Variants in SLC25A23 observed in about 807,000 individuals in gnomAD.
The protein encoded by SLC25A23 is solute carrier family 25 member 23.
Under a neutral mutation model 53.9 loss-of-function variants are expected in SLC25A23, and 32 were observed. The observed-to-expected ratio is 0.59, with a 90% CI of 0.45 to 0.80. The LOEUF (loss-of-function observed/expected upper bound fraction) is 0.80. Ranked by LOEUF, SLC25A23 falls within the 30% of genes least tolerant of loss-of-function variation. The probability of loss-of-function intolerance (pLI) is 0.00; values close to 1 mark genes in which losing one functional copy is unlikely to be tolerated. For synonymous variants in SLC25A23, 275 were observed against 264.5 expected (o/e 1.04, Z -0.38); for missense variants, 575 against 651.4 (o/e 0.88, Z 1.28).
At chr19:6,458,409 C>A in intron 1 of SLC25A23, 85 bp from the exon 2 acceptor site, 1 of 1,441,272 alleles carries the variant, frequency 6.9e-7, no homozygotes, top group Non-Finnish European at 9.3e-7. Context: ...GCCTTAGGAA[C>A]CCAGAGCCCC....
Position 6,452,419 on chromosome 19 carries a change from C to A in SLC25A23, c.964G>T (p.Ala322Ser), listed in dbSNP as rs374257352. 6.2e-7 allele frequency: 1 copy of A among 1,613,782 alleles called. No homozygotes were observed. Among genetic ancestry groups the A allele is most frequent in the African/African-American group, 1.3e-5 (1 of 74,898 alleles). The change falls in exon 8 of 10, where the codon GCC (alanine) becomes TCC (serine). Residue 322 changes from alanine to serine, a missense_variant. By Grantham distance (99) the Ala-to-Ser change is moderately conservative (BLOSUM62 1). Transcript: ENST00000301454. ...TGQYKGLLDC[A>S]RRILEREGPR... is the part of the protein sequence containing the mutation. The stretch of plus-strand genomic sequence containing the variant: ...CCCTCCCTCTCCAGGATACGCCTGG[C>A]GCAGTCCAGCAGCCCCTTATACTGG...
chr19:6,454,003 T>TG lies in SLC25A23; in HGVS notation c.880dup (p.Gln294ProfsTer23). ...CACCTCCATAGGGTAAATGATGGTT[T>TG]GGGCTGTGGCACCAGCCAGGGAGCC... On this transcript the variant is annotated frameshift_variant, in exon 7 of 10. Coordinates refer to ENST00000301454, the MANE Select transcript of SLC25A23 (RefSeq NM_024103.3). LOFTEE classifies it high-confidence loss of function. The surrounding 1 kb of genome is among the most constrained non-coding windows in gnomAD (Gnocchi z 4.3). 6.2e-7 allele frequency: 1 copy of TG among 1,613,244 alleles called. No individual in the cohort carries two copies. The highest frequency in any genetic ancestry group is 8.5e-7 in the Non-Finnish European group (1 of 1,179,896).
At position 6,455,554 on chromosome 19, in the gene SLC25A23, G is replaced by A. The variant is rs1026204846; in HGVS notation, c.484-837C>T. On this transcript the variant is annotated intron_variant, in intron 4 of 9. Transcript: ENST00000301454. Reference sequence around the variant, plus strand: ...TGGGAGTCTCTGGATCTCCAAAGAGGTTCTCACCAGATCCCACAGACGGAT... The same window carrying A: ...TGGGAGTCTCTGGATCTCCAAAGAGATTCTCACCAGATCCCACAGACGGAT... Among the ~76,000 whole-genome samples the A allele has an allele frequency of 7.9e-5, 12 of 152,118 alleles. No homozygotes were observed. In the East Asian group the frequency reaches 1.5e-3, roughly 20 times the overall value.
chr19:6,454,473 G>C lies in SLC25A23; in HGVS notation c.645C>G (p.Val215=), dbSNP rs1007416649. 10 of 1,613,894 alleles carry C rather than the reference G, an allele frequency of 6.2e-6. No homozygotes were observed. The African/African-American group carries it at 1.2e-4, about 19-fold the overall frequency. The part of the protein sequence containing the change: ...PLDRLKVFMQ[V]HASKTNRLNI... ...TCAGCCGGTTGGTCTTTGAGGCATG[G>C]ACCTGAATGGGGAGACAACAGCTTG... Residue 215 remains valine, a splice_region_variant and synonymous_variant, in exon 6 of 10, where the codon GTC becomes GTG. Coordinates refer to ENST00000301454, the MANE Select transcript of SLC25A23 (RefSeq NM_024103.3). The surrounding 1 kb of genome is among the most constrained non-coding windows in gnomAD (Gnocchi z 4.3).
At position 6,459,690 on chromosome 19, in the gene SLC25A23, T is replaced by G; in HGVS notation, c.-62A>C. 8.2e-7 allele frequency: 1 copy of G among 1,213,560 alleles called. No individual in the cohort carries two copies. Among genetic ancestry groups the G allele is most frequent in the East Asian group, 3.4e-5 (1 of 29,458 alleles). The allele number at this position is 1,213,560 out of a possible 1,614,324, so 75.2% of individuals were successfully genotyped here. A position where few individuals can be genotyped will look rare whatever the true frequency, so the allele number is the denominator to read the frequency against. On this transcript the variant is annotated 5_prime_UTR_variant, in exon 1 of 10. Transcript: ENST00000301454. The surrounding 1 kb of genome is among the most constrained non-coding windows in gnomAD (Gnocchi z 4.6). ...GCGGCCTCAGTGGGGGCTTCGCGGC[T>G]CCCCCTCCCCCCCCGGGACCCCGCA...
intron 8 of SLC25A23, among the ~76,000 whole-genome samples, chr19:6,451,800 TG>T (rs1257291843): frequency 2.0e-5 from 3 of 151,200 alleles, no homozygotes; most frequent in African/African-American, 7.3e-5. Flanking sequence ...TCGGGGAAGT[TG>T]GGTGTCTTTG....
At position 6,442,161 on chromosome 19, in the gene SLC25A23, T is replaced by TGGGTGGGGGGTTGGGGGGGG; in HGVS notation, c.1223-3_1223-2insCCCCCCCCAACCCCCCACCC. 1.3e-6 allele frequency: 1 copy of TGGGTGGGGGGTTGGGGGGGG among 747,930 alleles called. No homozygotes were observed. Among genetic ancestry groups the TGGGTGGGGGGTTGGGGGGGG allele is most frequent in the Non-Finnish European group, 2.0e-6 (1 of 504,234 alleles). The allele number at this position is 747,930 out of a possible 1,614,324, so 46.3% of individuals were successfully genotyped here. Reference sequence around the variant, plus strand: ...GCTGGGGGCCACCCTCGATGGAGGCTGGGAGGGGGCGGGGGGGGCACCAGG... The same window carrying TGGGTGGGGGGTTGGGGGGGG: ...GCTGGGGGCCACCCTCGATGGAGGCTGGGTGGGGGGTTGGGGGGGGGGGAGGGGGCGGGGGGGGCACCAGG... On this transcript the variant is annotated splice_region_variant and splice_polypyrimidine_tract_variant and intron_variant, in intron 9 of 9. Transcript: ENST00000301454.
rs1373032669 is a variant in SLC25A23 at position 6,442,240 on chromosome 19, G to A, written c.1223-81C>T. On this transcript the variant is annotated intron_variant, in intron 9 of 9. Transcript: ENST00000301454. ...CCTCCTACCCCCAGGGTTGGGCCAG[G>A]TGGTGTCATTGCAGCAGGAGGGAAG... 5 of 994,480 alleles carry A rather than the reference G, an allele frequency of 5.0e-6. No homozygotes were observed. The East Asian group carries it at 1.3e-4, about 26-fold the overall frequency. 61.6% of individuals were successfully genotyped at this position (994,480 alleles called of 1,614,324 possible). A position where few individuals can be genotyped will look rare whatever the true frequency, so the allele number is the denominator to read the frequency against.
rs1420133139 is a variant in SLC25A23 at position 6,459,406 on chromosome 19, T to C, written c.156+67A>G. The C allele has an allele frequency of 3.5e-6, 5 of 1,433,814 alleles. No individual in the cohort carries two copies. In the East Asian group the frequency reaches 1.1e-4, roughly 32 times the overall value. 88.8% of individuals were successfully genotyped at this position (1,433,814 alleles called of 1,614,324 possible). On this transcript the variant is annotated intron_variant, in intron 1 of 9. Coordinates refer to ENST00000301454, the MANE Select transcript of SLC25A23 (RefSeq NM_024103.3). The surrounding 1 kb of genome is among the most constrained non-coding windows in gnomAD (Gnocchi z 4.6). ...TCCCTGGTGGCTCCGGCCGCCCAGT[T>C]CAGGGGCTTGGGTAACCGGGAGCGG...
chr19:6,459,641 G>T lies in SLC25A23; in HGVS notation c.-13C>A, dbSNP rs762565109. 9.9e-6 allele frequency: 14 copies of T among 1,410,194 alleles called. No homozygotes were observed. Among genetic ancestry groups the T allele is most frequent in the South Asian group, 8.1e-5 (5 of 62,002 alleles). The allele number at this position is 1,410,194 out of a possible 1,614,324, so 87.4% of individuals were successfully genotyped here. Reference sequence around the variant, plus strand: ...GGCTCCCCCGCATGGCGCCCGCCCGGGGGGGAGGGGAGGCCCGGCAGCGGC... The same window carrying T: ...GGCTCCCCCGCATGGCGCCCGCCCGTGGGGGAGGGGAGGCCCGGCAGCGGC... On this transcript the variant is annotated 5_prime_UTR_variant, in exon 1 of 10. Coordinates refer to ENST00000301454, the MANE Select transcript of SLC25A23 (RefSeq NM_024103.3). This position sits in a 1 kb window ranked among gnomAD's most constrained non-coding sequence, Gnocchi z 4.6.
In SLC25A23 at chr19:6,442,006, A is replaced by C; in HGVS notation, c.1376T>G (p.Met459Arg). The change falls in exon 10 of 10, where the codon ATG becomes AGG. Residue 459 changes from methionine (M) to arginine (R), a missense_variant. By Grantham distance (91) the Met-to-Arg change is moderately conservative. Coordinates refer to ENST00000301454, the MANE Select transcript of SLC25A23 (RefSeq NM_024103.3). ...VSISYVVYEN[M>R]KQALGVTSR is the part of the protein sequence containing the mutation. ...GGACGTGACCCCCAAGGCCTGCTTC[A>C]TGTTCTCGTAGACCACATAGGAGAT... The C allele has an allele frequency of 6.2e-7, 1 of 1,613,886 alleles. No individual in the cohort carries two copies. Among genetic ancestry groups the C allele is most frequent in the Non-Finnish European group, 8.5e-7 (1 of 1,179,900 alleles).
chr19:6,459,177 T>G lies in SLC25A23; in HGVS notation c.156+296A>C, dbSNP rs536846387. On this transcript the variant is annotated intron_variant, in intron 1 of 9. Coordinates refer to ENST00000301454, the MANE Select transcript of SLC25A23 (RefSeq NM_024103.3). This position sits in a 1 kb window ranked among gnomAD's most constrained non-coding sequence, Gnocchi z 4.6. ...GGGCTGTGCAGTCTGGAGGAGGGTG[T>G]GTCCCGGGCAGTGGGCAGGAAAGCG... Among the ~76,000 whole-genome samples the G allele has an allele frequency of 1.1e-3, 168 of 152,144 alleles. 1 individual carries two copies. Among genetic ancestry groups the G allele is most frequent in the Non-Finnish European group, 2.0e-3 (137 of 67,972 alleles).
chr19:6,442,095 C>T lies in SLC25A23; in HGVS notation c.1287G>A (p.Glu429=), dbSNP rs1362098747. Residue 429 remains glutamate, a synonymous_variant, in exon 10 of 10, where the codon GAG becomes GAA. Transcript: ENST00000301454. ...LGLLRHILSQ[E]GMRGLYRGIA... ...TCCCCCGGTAGAGGCCCCGCATGCC[C>T]TCCTGGGACAGGATGTGACGTAGCA... is the stretch of plus-strand genomic sequence containing the variant. 6.2e-6 allele frequency: 10 copies of T among 1,611,684 alleles called. No individual in the cohort carries two copies. Among genetic ancestry groups the T allele is most frequent in the Non-Finnish European group, 8.5e-6 (10 of 1,179,114 alleles).
At chr19:6,452,659 A>G in intron 7 of SLC25A23, 180 bp from the exon 8 acceptor site, 2 of 655,528 alleles carry the variant, frequency 3.1e-6, no homozygotes, top group South Asian at 5.2e-5. Flanking sequence ...AAATAGTTAC[A>G]CCTACCAAAG....
rs989707177 is a variant in SLC25A23 at position 6,459,262 on chromosome 19, C to A, written c.156+211G>T. 1.5e-4 allele frequency among the ~76,000 whole-genome samples: 23 copies of A among 152,150 alleles called. No homozygotes were observed. Among genetic ancestry groups the A allele is most frequent in the Non-Finnish European group, 2.6e-4 (18 of 68,016 alleles). On this transcript the variant is annotated intron_variant, in intron 1 of 9. Coordinates refer to ENST00000301454, the MANE Select transcript of SLC25A23 (RefSeq NM_024103.3). This position sits in a 1 kb window ranked among gnomAD's most constrained non-coding sequence, Gnocchi z 4.6. ...CGCAGCAGGGGGATCGGGTGTTGGC[C>A]GCGGAACTGCAGGCTTGGGGCCTCG...
downstream of SLC25A23, among the ~76,000 whole-genome samples, chr19:6,439,384 A>ATC (rs71174914): frequency 0.11 from 15,671 of 137,598 alleles, 858 homozygotes; most frequent in East Asian, 0.17. Context: ...GTGAGATCCT[A>ATC]TCTCTCTCTC....
chr19:6,448,084 C>T (rs1434874576), intron 8 of SLC25A23, among the ~76,000 whole-genome samples: 1 of 152,224 alleles, frequency 6.6e-6, no homozygotes, highest in African/African-American at 2.4e-5. Flanking sequence ...TAGAACTGTG[C>T]ACCTGAAGAC....
At position 6,448,473 on chromosome 19, in the gene SLC25A23, A is replaced by ATT. The variant is rs72000629; in HGVS notation, c.1071+3837_1071+3838dup. Among the ~76,000 whole-genome samples, 279 of 140,824 alleles carry ATT rather than the reference A, an allele frequency of 2.0e-3. 1 individual carries two copies. In the Middle Eastern group the frequency reaches 0.032, roughly 16 times the overall value. The allele number at this position is 140,824 out of a possible 152,430, so 92.4% of individuals were successfully genotyped here. On this transcript the variant is annotated intron_variant, in intron 8 of 9. Coordinates refer to ENST00000301454, the MANE Select transcript of SLC25A23 (RefSeq NM_024103.3). ...GGTGGCTCATGCCTGTAATCCCAGC[A>ATT]TTTTTTTTTTTTTTTGAGATGAAAT...
In SLC25A23 at chr19:6,457,609, G is replaced by T. The variant is rs758182117; in HGVS notation, c.284-19C>A. 6.2e-7 allele frequency: 1 copy of T among 1,611,162 alleles called. No individual in the cohort carries two copies. Among genetic ancestry groups the T allele is most frequent in the Non-Finnish European group, 8.5e-7 (1 of 1,177,664 alleles). ...ATGTGACCTGGGGAGGGGGCCGGAG[G>T]TGGGGAAGGATGTGCGTGTGAGGAC... On this transcript the variant is annotated intron_variant, in intron 2 of 9. Transcript: ENST00000301454.
Sources: gnomAD v4.1 joint callset for allele counts (sites outside exome capture counted in the v4.1 genomes callset) on GRCh38, gnomAD v4.1.1 for gene constraint, Gnocchi (gnomAD v3.1) non-coding constraint, MANE v1.5 for transcripts, NCBI Gene and HGNC (gene_info 2026-07-23, HGNC 2026-07-21) for gene names.